Variants in PGM5 observed in about 807,000 individuals in gnomAD.
The protein encoded by PGM5 is phosphoglucomutase-like protein 5.
In PGM5, 23 loss-of-function variants were observed where a neutral mutation model predicts 59.2. That is an observed-to-expected ratio of 0.39 (90% CI 0.28 to 0.55). The LOEUF (loss-of-function observed/expected upper bound fraction) is 0.55. PGM5 is among the 20% of genes least tolerant of loss of function. The pLI is 0.66. For missense variants in PGM5, 574 were observed against 748.3 expected (o/e 0.77, Z 2.72); for synonymous variants, 214 against 286.0 (o/e 0.75, Z 2.54).
chr9:68,357,098 G>A lies in PGM5; in HGVS notation c.-30G>A, dbSNP rs1554675758. ...GGCTGCAGATTCCCTCCGGCTCCGG[G>A]AGCCGCAGCAGGACCGGCCAGGAGG... On this transcript the variant is annotated 5_prime_UTR_variant, in exon 1 of 11. Coordinates refer to ENST00000396396, the MANE Select transcript of PGM5 (RefSeq NM_021965.4). The A allele has an allele frequency of 6.9e-7, 1 of 1,453,234 alleles. No homozygotes were observed. The highest frequency in any genetic ancestry group is 2.5e-5 in the Admixed American group (1 of 39,988). 90.0% of individuals were successfully genotyped at this position (1,453,234 alleles called of 1,614,324 possible).
chr9:68,434,316 C>CAAAAAAAAAA (rs71353054), intron 6 of PGM5, among the ~76,000 whole-genome samples: 3 of 90,826 alleles, frequency 3.3e-5, no homozygotes, highest in Non-Finnish European at 6.4e-5. Context: ...GACTCCGTCT[C>CAAAAAAAAAA]AAAAAAAAAA....
chr9:68,495,094 A>G (rs1824461918), intron 9 of PGM5, among the ~76,000 whole-genome samples: 1 of 152,230 alleles, frequency 6.6e-6, no homozygotes, highest in South Asian at 2.1e-4. Context: ...CTGTCCTCCC[A>G]GAGCTTGTTA....
intron 10 of PGM5, among the ~76,000 whole-genome samples, chr9:68,506,912 T>C (rs1372544714): frequency 2.0e-5 from 3 of 152,158 alleles, no homozygotes; most frequent in Non-Finnish European, 2.9e-5. Flanking sequence ...TGGGTCAAGT[T>C]TGGATTACAG....
chr9:68,461,188 C>T (rs190933630), intron 6 of PGM5, among the ~76,000 whole-genome samples: 26 of 152,104 alleles, frequency 1.7e-4, no homozygotes, highest in East Asian at 7.7e-4. Context: ...GTGGGTCAGC[C>T]GCCTTCAACA....
chr9:68,427,075 G>C (rs1451691311), intron 6 of PGM5: 1 of 152,202 alleles, frequency 6.6e-6, no homozygotes, highest in African/African-American at 2.4e-5. Flanking sequence ...ACAATGTCAG[G>C]CACTGGTGCT....
chr9:68,421,697 A>C (rs782754525), intron 6 of PGM5, among the ~76,000 whole-genome samples: 6 of 152,150 alleles, frequency 3.9e-5, no homozygotes, highest in Non-Finnish European at 8.8e-5. Context: ...AGCCTGGGTG[A>C]CAGAGTGAGA....
chr9:68,413,347 C>G (rs1554681755), intron 6 of PGM5, among the ~76,000 whole-genome samples: 3 of 151,832 alleles, frequency 2.0e-5, no homozygotes, highest in Non-Finnish European at 4.4e-5. Context: ...GATGGTGACT[C>G]TCAATGGAGG....
At chr9:68,408,714 C>G (rs1160569791) in intron 6 of PGM5, among the ~76,000 whole-genome samples, 1 of 152,064 alleles carries the variant, frequency 6.6e-6, no homozygotes, top group African/African-American at 2.4e-5. Context: ...TTAGGTCGAA[C>G]GTTTAAGTCT....
At chr9:68,515,419 C>T (rs1229835028) in intron 10 of PGM5, among the ~76,000 whole-genome samples, 1 of 152,206 alleles carries the variant, frequency 6.6e-6, no homozygotes, top group Non-Finnish European at 1.5e-5. Context: ...TTCTGCTACT[C>T]AACTCTGCCA....
At chr9:68,479,742 G>T (rs1416043876) in intron 8 of PGM5, among the ~76,000 whole-genome samples, 189 bp downstream of exon 8, 7 of 152,066 alleles carry the variant, frequency 4.6e-5, no homozygotes. Context: ...AGACCATCCC[G>T]GCTAAAACGG....
Position 68,502,205 on chromosome 9 carries a change from G to A in PGM5, c.1614+2844G>A, listed in dbSNP as rs528305854. On this transcript the variant is annotated intron_variant, in intron 10 of 10. Coordinates refer to ENST00000396396, the MANE Select transcript of PGM5 (RefSeq NM_021965.4). ...TAAATCAGGAAGGAAAGCTTCCAAAGGCTTGTTGCTGGAAGACTACCTAGT... is the reference window on the plus strand; with the variant it reads ...TAAATCAGGAAGGAAAGCTTCCAAAAGCTTGTTGCTGGAAGACTACCTAGT... 2.6e-5 allele frequency among the ~76,000 whole-genome samples: 4 copies of A among 152,258 alleles called. No homozygotes were observed. The South Asian group carries it at 8.3e-4, about 31-fold the overall frequency.
intron 1 of PGM5, among the ~76,000 whole-genome samples, chr9:68,366,539 G>C (rs1375623017): frequency 6.6e-5 from 10 of 152,198 alleles, no homozygotes; most frequent in African/African-American, 2.4e-4. Context: ...TTGGGTGGAG[G>C]GGGTGTATAA....
At chr9:68,452,376 C>T (rs1449896714) in intron 6 of PGM5, among the ~76,000 whole-genome samples, 1 of 152,212 alleles carries the variant, frequency 6.6e-6, no homozygotes, top group Non-Finnish European at 1.5e-5. Context: ...CAACATGGCC[C>T]TTGCCTCAGT....
chr9:68,519,502 T>G (rs1211362836), intron 10 of PGM5, among the ~76,000 whole-genome samples: 1 of 151,790 alleles, frequency 6.6e-6, no homozygotes, highest in South Asian at 2.1e-4. Flanking sequence ...TTAAAAAAAA[T>G]AGAAGGAAAT....
intron 6 of PGM5, among the ~76,000 whole-genome samples, chr9:68,420,171 C>T (rs968868155): frequency 3.3e-5 from 5 of 152,112 alleles, no homozygotes; most frequent in East Asian, 1.9e-4. Context: ...CTGGGGGCTC[C>T]GAAGACCCTA....
intron 1 of PGM5, among the ~76,000 whole-genome samples, chr9:68,377,505 G>A (rs1301491735): frequency 4.6e-5 from 7 of 152,206 alleles, no homozygotes; most frequent in Non-Finnish European, 1.0e-4. Flanking sequence ...AAAACAAGGT[G>A]TAGCAATAAA....
chr9:68,394,683 C>T (rs868981075), intron 6 of PGM5, among the ~76,000 whole-genome samples: 79 of 151,522 alleles, frequency 5.2e-4, no homozygotes, highest in African/African-American at 1.8e-3. Context: ...TGCAGTGGTA[C>T]GATCATAGTT....
intron 1 of PGM5, among the ~76,000 whole-genome samples, chr9:68,376,988 G>A (rs1183925852): frequency 7.3e-5 from 11 of 149,730 alleles, no homozygotes; most frequent in South Asian, 6.4e-4. Flanking sequence ...GTGCAGTGGC[G>A]CCATCTTAGC....
At chr9:68,372,523 G>C (rs1489426782) in intron 1 of PGM5, among the ~76,000 whole-genome samples, 1 of 152,108 alleles carries the variant, frequency 6.6e-6, no homozygotes, top group Non-Finnish European at 1.5e-5. Context: ...TGCTGGTAGA[G>C]TAGGCACTCT....
Sources: gnomAD v4.1 joint callset for allele counts (sites outside exome capture counted in the v4.1 genomes callset) on GRCh38, gnomAD v4.1.1 for gene constraint, MANE v1.5 for transcripts, NCBI Gene and HGNC (gene_info 2026-07-23, HGNC 2026-07-21) for gene names.